The following DPH6 variants were observed in gnomAD, a reference collection of about 807,000 sequenced individuals.
DPH6 encodes diphthine--ammonia ligase.
DPH6 carries 33 observed loss-of-function variants against 38.2 expected under a neutral mutation model. The observed-to-expected ratio is 0.86, with a 90% confidence interval of 0.65 to 1.15. The LOEUF is 1.15. Ranked by LOEUF, DPH6 falls within the 50% of genes most tolerant of loss-of-function variation. The probability of loss-of-function intolerance (pLI) is 0.00; values close to 1 mark genes in which losing one functional copy is unlikely to be tolerated. For missense variants in DPH6, 325 were observed against 320.0 expected (o/e 1.02, Z -0.12); for synonymous variants, 108 against 103.0 (o/e 1.05, Z -0.30).
downstream of DPH6, among the ~76,000 whole-genome samples, chr15:35,369,344 G>T (rs1418649098): frequency 1.3e-5 from 2 of 151,768 alleles, no homozygotes; most frequent in African/African-American, 2.4e-5. Context: ...AATATTTGGG[G>T]TGGAATGTTA....
At chr15:35,418,845 C>T (rs1372204432) in intron 5 of DPH6, among the ~76,000 whole-genome samples, 1 of 151,966 alleles carries the variant, frequency 6.6e-6, no homozygotes, top group Non-Finnish European at 1.5e-5. Flanking sequence ...AGAGAGACAT[C>T]ACAAAATGGT....
At chr15:35,347,381 G>C (rs866772983) in intron 3 of DPH6, among the ~76,000 whole-genome samples, 17 of 151,770 alleles carry the variant, frequency 1.1e-4, no homozygotes, top group Admixed American at 2.0e-4. Flanking sequence ...CAAACTCCCG[G>C]GTTTAAGTGA....
At chr15:35,266,553 T>C (rs1304996678) in intron 3 of DPH6, among the ~76,000 whole-genome samples, 1 of 152,216 alleles carries the variant, frequency 6.6e-6, no homozygotes, top group African/African-American at 2.4e-5. Context: ...ATAAATTTAA[T>C]ATTGTAGCAG....
chr15:35,294,972 C>A (rs914866702), intron 3 of DPH6, among the ~76,000 whole-genome samples: 1 of 152,214 alleles, frequency 6.6e-6, no homozygotes, highest in Non-Finnish European at 1.5e-5. Context: ...CCTTTCCTCA[C>A]AGTCCCAATC....
chr15:35,529,405 C>A (rs2055053784), intron 3 of DPH6, among the ~76,000 whole-genome samples: 2 of 152,120 alleles, frequency 1.3e-5, no homozygotes, highest in African/African-American at 4.8e-5. Flanking sequence ...AAGCCCACCC[C>A]ATGATTTGAT....
Position 35,512,615 on chromosome 15 carries a change from T to C in DPH6, c.312+25659A>G, listed in dbSNP as rs2088806404. 1.3e-5 allele frequency among the ~76,000 whole-genome samples: 2 copies of C among 152,054 alleles called. 1 individual carries two copies. Among genetic ancestry groups the C allele is most frequent in the Admixed American group, 1.3e-4 (2 of 15,248 alleles). ...TGCCCTAACATATATTTCTTTGGTT[T>C]TGTTCCAAGAAGAATATGCAGTCAA... On this transcript the variant is annotated intron_variant, in intron 3 of 8. Transcript: ENST00000256538.
At chr15:35,295,258 C>G (rs1166435207) in intron 3 of DPH6, among the ~76,000 whole-genome samples, 2 of 152,208 alleles carry the variant, frequency 1.3e-5, no homozygotes, top group African/African-American at 2.4e-5. Context: ...CCTCCCAAAG[C>G]CTTTCCTTGG....
chr15:35,425,810 C>CATATAT (rs71741742), intron 5 of DPH6, among the ~76,000 whole-genome samples: 2,859 of 141,994 alleles, frequency 0.02, 42 homozygotes, highest in African/African-American at 0.047. Context: ...TATGACATGA[C>CATATAT]ATATATATAT....
intron 5 of DPH6, among the ~76,000 whole-genome samples, chr15:35,418,036 C>A (rs537370045): frequency 2.6e-4 from 40 of 152,184 alleles, no homozygotes; most frequent in Non-Finnish European, 2.8e-4. Flanking sequence ...TTCGATTTAC[C>A]TCAGTCCTTG....
chr15:35,326,526 G>C (rs1043806795), downstream of DPH6, among the ~76,000 whole-genome samples: 1 of 151,986 alleles, frequency 6.6e-6, no homozygotes, highest in African/African-American at 2.4e-5. Context: ...CAACCTCCTA[G>C]GTTCAAGCGA....
chr15:35,389,854 G>A (rs1370440707), intron 6 of DPH6, among the ~76,000 whole-genome samples: 2 of 151,976 alleles, frequency 1.3e-5, no homozygotes, highest in Admixed American at 6.6e-5. Flanking sequence ...TAAGATTAGT[G>A]TTGTTATGTG....
intron 3 of DPH6, among the ~76,000 whole-genome samples, chr15:35,517,389 A>T (rs1205038418): frequency 6.6e-6 from 1 of 152,044 alleles, no homozygotes; most frequent in Non-Finnish European, 1.5e-5. Flanking sequence ...AATTAAGTGG[A>T]TTCTTAGTTT....
chr15:35,219,863 G>A (rs904571201), exon 4 of DPH6: 1 of 152,152 alleles, frequency 6.6e-6, no homozygotes, highest in African/African-American at 2.4e-5. Context: ...CTGGATTCTA[G>A]TTTCTGAAGA....
At chr15:35,300,520 G>A (rs1040738458) in intron 3 of DPH6, among the ~76,000 whole-genome samples, 4 of 152,164 alleles carry the variant, frequency 2.6e-5, no homozygotes, top group Non-Finnish European at 2.9e-5. Context: ...ATTTGTTTAC[G>A]GATGTAATGG....
intron 6 of DPH6, among the ~76,000 whole-genome samples, chr15:35,393,406 G>T (rs2053086235): frequency 6.6e-6 from 1 of 152,186 alleles, no homozygotes; most frequent in Admixed American, 6.5e-5. Context: ...TATTTAATAA[G>T]TTTTATATGA....
In DPH6 at chr15:35,503,601, C is replaced by T. The variant is rs2054655369; in HGVS notation, c.312+34673G>A. On this transcript the variant is annotated intron_variant, in intron 3 of 8. Coordinates refer to ENST00000256538, the MANE Select transcript of DPH6 (RefSeq NM_080650.4). The stretch of plus-strand genomic sequence containing the variant: ...CTATTCAGAGCTGACCCACTGTGCT[C>T]TTCATCCCATCATTTCCAAATCTTC... Among the ~76,000 whole-genome samples, 4 of 152,122 alleles carry T rather than the reference C, an allele frequency of 2.6e-5. No individual in the cohort carries two copies. In the South Asian group the frequency reaches 8.3e-4, roughly 31 times the overall value.
chr15:35,357,455 T>C (rs1044515449), intron 3 of DPH6, among the ~76,000 whole-genome samples: 3 of 152,242 alleles, frequency 2.0e-5, no homozygotes, highest in Non-Finnish European at 4.4e-5. Context: ...TTTTTGCTTT[T>C]TAACTTGTAT....
chr15:35,162,529 T>C, the DPH6 span, among the ~76,000 whole-genome samples: 2 of 151,860 alleles, frequency 1.3e-5, no homozygotes, highest in South Asian at 4.1e-4. Flanking sequence ...CAGGACTCAT[T>C]CCCTCACTTC....
chr15:35,524,586 G>A (rs905455336), intron 3 of DPH6, among the ~76,000 whole-genome samples: 1 of 152,176 alleles, frequency 6.6e-6, no homozygotes, highest in Non-Finnish European at 1.5e-5. Context: ...AAAAGTACAT[G>A]TTCTACCACT....
Sources: allele counts gnomAD v4.1 joint callset (sites outside exome capture counted in the v4.1 genomes callset), GRCh38; gene constraint gnomAD v4.1.1; transcripts MANE v1.5; gene names NCBI Gene and HGNC (gene_info 2026-07-23, HGNC 2026-07-21).